The following HTR1E variants were observed in gnomAD, a reference collection of about 807,000 sequenced individuals.
HTR1E encodes 5-HT-1E.
A neutral mutation model predicts 3.4 loss-of-function variants in HTR1E; 3 were observed. The observed-to-expected ratio is 0.89, with a 90% CI of 0.41 to 2.31. HTR1E has a LOEUF of 2.31. HTR1E is among the 30% of genes most tolerant of loss of function. HTR1E has a pLI of 0.05. For synonymous variants in HTR1E, 170 were observed against 182.8 expected, an observed-to-expected ratio of 0.93 and a Z score of 0.56; for missense variants, 392 against 467.0, an observed-to-expected ratio of 0.84 and a Z score of 1.48.
Position 86,937,838 on chromosome 6 carries a change from C to G in HTR1E, c.-186+15C>G, listed in dbSNP as rs1389026998. 5 of 152,946 alleles carry G rather than the reference C, an allele frequency of 3.3e-5. No homozygotes were observed. Among genetic ancestry groups the G allele is most frequent in the African/African-American group, 9.6e-5 (4 of 41,596 alleles). The allele number at this position is 152,946 out of a possible 1,614,324, so 9.5% of individuals were successfully genotyped here. ...CCGTCCACAAGGTGAGGGGCGCACA[C>G]CTTCCGGGACGACCTTGGCTTCCCT... On this transcript the variant is annotated intron_variant, in intron 1 of 1. Coordinates refer to ENST00000305344, the MANE Select transcript of HTR1E (RefSeq NM_000865.3).
chr6:86,974,625 C>T (rs952319344), intron 1 of HTR1E, among the ~76,000 whole-genome samples: 1 of 152,170 alleles, frequency 6.6e-6, no homozygotes, highest in African/African-American at 2.4e-5. Flanking sequence ...TAGTTATGCT[C>T]ACTTTGATTG....
chr6:86,944,421 A>G (rs1447603922), intron 1 of HTR1E, among the ~76,000 whole-genome samples: 2 of 152,246 alleles, frequency 1.3e-5, no homozygotes, highest in Admixed American at 1.3e-4. Flanking sequence ...GTTTTATCTC[A>G]TAGTAATGTT....
At chr6:86,943,240 G>C (rs572990203) in intron 1 of HTR1E, among the ~76,000 whole-genome samples, 8 of 152,242 alleles carry the variant, frequency 5.3e-5, no homozygotes, top group African/African-American at 1.9e-4. Flanking sequence ...CAAGAGGATG[G>C]GGTATTAACC....
At chr6:86,998,229 A>G (rs1767972415) in intron 1 of HTR1E, among the ~76,000 whole-genome samples, 1 of 152,094 alleles carries the variant, frequency 6.6e-6, no homozygotes, top group South Asian at 2.1e-4. Context: ...GAACAAAACT[A>G]TCAAGCAAAT....
At chr6:86,972,222 A>G (rs530342089) in intron 1 of HTR1E, among the ~76,000 whole-genome samples, 1 of 152,278 alleles carries the variant, frequency 6.6e-6, no homozygotes, top group African/African-American at 2.4e-5. Flanking sequence ...TATTCATTCT[A>G]TTCATAAGTT....
At chr6:86,946,321 T>C (rs950307227) in intron 1 of HTR1E, among the ~76,000 whole-genome samples, 2 of 152,226 alleles carry the variant, frequency 1.3e-5, no homozygotes, top group African/African-American at 4.8e-5. Context: ...GTACCCTTTC[T>C]ACGTTTAGAT....
intron 1 of HTR1E, among the ~76,000 whole-genome samples, chr6:86,938,806 T>C (rs1237332197): frequency 1.3e-5 from 2 of 152,218 alleles, no homozygotes; most frequent in African/African-American, 2.4e-5. Context: ...AGGCTCATTT[T>C]ATCATTCTTA....
chr6:86,993,702 A>G (rs1295643480), intron 1 of HTR1E, among the ~76,000 whole-genome samples: 1 of 152,200 alleles, frequency 6.6e-6, no homozygotes, highest in Non-Finnish European at 1.5e-5. Flanking sequence ...GAAGACTGCT[A>G]CAACAGAAGA....
At chr6:87,011,949 G>A (rs1311376533) in intron 1 of HTR1E, among the ~76,000 whole-genome samples, 1 of 152,150 alleles carries the variant, frequency 6.6e-6, no homozygotes, top group Non-Finnish European at 1.5e-5. Context: ...AAAGATCCTG[G>A]GGGTCTAAGA....
At chr6:86,942,455 A>G (rs1768559418) in intron 1 of HTR1E, among the ~76,000 whole-genome samples, 1 of 152,236 alleles carries the variant, frequency 6.6e-6, no homozygotes, top group African/African-American at 2.4e-5. Flanking sequence ...ACAGTCATCC[A>G]TAAACACTAT....
intron 1 of HTR1E, among the ~76,000 whole-genome samples, chr6:86,971,351 G>A (rs1159197499): frequency 1.3e-5 from 2 of 151,374 alleles, no homozygotes; most frequent in African/African-American, 4.9e-5. Context: ...TAGCCTCACT[G>A]TTCTTCAGAA....
intron 1 of HTR1E, among the ~76,000 whole-genome samples, chr6:87,004,760 A>C (rs1768077870): frequency 3.3e-5 from 5 of 152,128 alleles, no homozygotes; most frequent in Admixed American, 3.3e-4. Context: ...AGACAAAAGA[A>C]AGAAAGAAAG....
chr6:86,966,237 G>A (rs1767469856), intron 1 of HTR1E, among the ~76,000 whole-genome samples: 1 of 152,080 alleles, frequency 6.6e-6, no homozygotes, highest in South Asian at 2.1e-4. Flanking sequence ...GTCAGGTTAA[G>A]TGATTGAGTC....
At chr6:86,946,452 A>G (rs1476892093) in intron 1 of HTR1E, among the ~76,000 whole-genome samples, 1 of 152,216 alleles carries the variant, frequency 6.6e-6, no homozygotes, top group Non-Finnish European at 1.5e-5. Context: ...AGGCTACACC[A>G]TCTAGGTTTG....
chr6:86,979,194 CTTGA>C (rs1240439062), intron 1 of HTR1E, among the ~76,000 whole-genome samples: 1 of 152,140 alleles, frequency 6.6e-6, no homozygotes, highest in Admixed American at 6.5e-5. Context: ...TTAGATTCAT[CTTGA>C]TTATTTCCTG....
intron 1 of HTR1E, among the ~76,000 whole-genome samples, chr6:86,959,180 A>G (rs2127819952): frequency 6.6e-6 from 1 of 152,170 alleles, no homozygotes; most frequent in East Asian, 1.9e-4. Flanking sequence ...GAGGCCTTCA[A>G]CTGATTGGAT....
intron 1 of HTR1E, among the ~76,000 whole-genome samples, chr6:86,981,109 T>C (rs761767067): frequency 5.3e-5 from 8 of 152,182 alleles, no homozygotes; most frequent in Non-Finnish European, 1.2e-4. Flanking sequence ...CCAACTACTC[T>C]TCAAAGGAGT....
chr6:87,016,008 G>C lies in HTR1E; in HGVS notation c.674G>C (p.Arg225Thr). The C allele has an allele frequency of 1.2e-6, 2 of 1,614,212 alleles. No homozygotes were observed. Among genetic ancestry groups the C allele is most frequent in the Non-Finnish European group, 1.7e-6 (2 of 1,180,040 alleles). Residue 225 changes from arginine (R) to threonine (T), a missense_variant, in exon 2 of 2, where the codon AGA (arginine) becomes ACA (threonine). Arg to Thr is a moderately conservative substitution (Grantham distance 71, BLOSUM62 -1). Around this residue, in one of 3 missense-constraint regions of HTR1E, gnomAD observed 178 missense variants for 164.9 expected, o/e 1.08. Transcript: ENST00000305344. Reference protein sequence around the residue: ...KRGSSRHLSNRSTDSQNSFAS... With the variant: ...KRGSSRHLSNTSTDSQNSFAS... ...GGATCAAGTCGGCACTTAAGCAACA[G>C]AAGCACAGATAGCCAGAATTCTTTT...
chr6:86,985,201 C>T (rs1767768296), intron 1 of HTR1E, among the ~76,000 whole-genome samples: 2 of 152,142 alleles, frequency 1.3e-5, no homozygotes, highest in Admixed American at 1.3e-4. Flanking sequence ...CAGGCCTGAG[C>T]AGTGCTGGGT....
Sources: gnomAD v4.1 joint callset for allele counts (sites outside exome capture counted in the v4.1 genomes callset) on GRCh38, gnomAD v4.1.1 for gene constraint, gnomAD v4.1.1 regional missense constraint, MANE v1.5 for transcripts, NCBI Gene and HGNC (gene_info 2026-07-23, HGNC 2026-07-21) for gene names.